The following TEC variants were observed in gnomAD, a reference collection of about 807,000 sequenced individuals.
TEC encodes tyrosine-protein kinase Tec.
A neutral mutation model predicts 93.0 loss-of-function variants in TEC; 72 were observed. The observed-to-expected ratio is 0.77, with a 90% CI of 0.64 to 0.94. The LOEUF (loss-of-function observed/expected upper bound fraction) is 0.94, where lower values mean the gene tolerates loss of function less well. TEC is among the 40% of genes least tolerant of loss of function. The pLI is 0.00. For missense variants in TEC, 630 were observed against 757.9 expected (o/e 0.83, Z 1.98); for synonymous variants, 249 against 247.7 (o/e 1.01, Z -0.05).
intron 4 of TEC, 113 bp downstream of exon 4, chr4:48,171,255 G>A: frequency 2.5e-6 from 2 of 795,938 alleles, no homozygotes; most frequent in East Asian, 2.8e-5. Flanking sequence ...AACACTTACT[G>A]TAGATTAAGA....
intron 11 of TEC, among the ~76,000 whole-genome samples, chr4:48,147,803 C>T (rs925632473): frequency 3.3e-5 from 5 of 152,256 alleles, no homozygotes; most frequent in South Asian, 4.1e-4. Context: ...TGGGTTGTAA[C>T]TCAATAATAG....
At chr4:48,171,232 A>G (rs548221343) in intron 4 of TEC, 136 bp downstream of exon 4, 30 of 695,422 alleles carry the variant, frequency 4.3e-5, no homozygotes, top group Middle Eastern at 4.2e-4. Flanking sequence ...CAACAACAGC[A>G]TATCCTTGGA....
At chr4:48,197,359 T>A (rs1293980572) in intron 2 of TEC, among the ~76,000 whole-genome samples, 1 of 152,206 alleles carries the variant, frequency 6.6e-6, no homozygotes, top group Non-Finnish European at 1.5e-5. Context: ...ATAGTAACTG[T>A]ATCTGCCTCA....
chr4:48,250,307 C>G (rs760812570), intron 1 of TEC, among the ~76,000 whole-genome samples: 1 of 152,142 alleles, frequency 6.6e-6, no homozygotes, highest in African/African-American at 2.4e-5. Context: ...TTGGACTGTA[C>G]CCCTAAATAT....
At chr4:48,211,636 G>A (rs893367325) in intron 2 of TEC, among the ~76,000 whole-genome samples, 8 of 152,156 alleles carry the variant, frequency 5.3e-5, no homozygotes, top group African/African-American at 1.9e-4. Context: ...CAGTTTCTCT[G>A]CTGTTGAGAT....
At chr4:48,183,204 C>G (rs1014243926) in intron 2 of TEC, among the ~76,000 whole-genome samples, 1 of 152,218 alleles carries the variant, frequency 6.6e-6, no homozygotes, top group African/African-American at 2.4e-5. Flanking sequence ...AGTTTTCTCT[C>G]TGTGCTTCAG....
chr4:48,268,718 A>C (rs559690455), intron 1 of TEC, among the ~76,000 whole-genome samples: 1 of 152,336 alleles, frequency 6.6e-6, no homozygotes, highest in African/African-American at 2.4e-5. Flanking sequence ...AAATTCTCAG[A>C]ATTTCCCAAG....
intron 2 of TEC, among the ~76,000 whole-genome samples, chr4:48,213,074 A>G (rs1722964171): frequency 6.6e-6 from 1 of 152,252 alleles, no homozygotes; most frequent in Non-Finnish European, 1.5e-5. Context: ...CTTATGAGTA[A>G]GGAATTACAC....
intron 1 of TEC, among the ~76,000 whole-genome samples, chr4:48,243,092 T>C (rs1723963257): frequency 6.6e-6 from 1 of 152,194 alleles, no homozygotes; most frequent in South Asian, 2.1e-4. Flanking sequence ...TACCTTTTGA[T>C]ATATTAAAAG....
intron 2 of TEC, among the ~76,000 whole-genome samples, chr4:48,204,485 T>C (rs2109601209): frequency 6.6e-6 from 1 of 152,340 alleles, no homozygotes; most frequent in East Asian, 1.9e-4. Context: ...GCCTTTTCCT[T>C]TCGCTGATTT....
At chr4:48,267,823 A>C (rs1724679246) in intron 1 of TEC, among the ~76,000 whole-genome samples, 1 of 152,170 alleles carries the variant, frequency 6.6e-6, no homozygotes, top group African/African-American at 2.4e-5. Flanking sequence ...TAGGGGTAAG[A>C]ATCTGGGAGG....
intron 3 of TEC, among the ~76,000 whole-genome samples, chr4:48,174,222 A>G (rs967832606): frequency 6.6e-6 from 1 of 152,184 alleles, no homozygotes; most frequent in Non-Finnish European, 1.5e-5. Flanking sequence ...TTCTACTTGT[A>G]TTATCATTCT....
At chr4:48,201,516 G>C (rs1722508343) in intron 2 of TEC, among the ~76,000 whole-genome samples, 1 of 152,168 alleles carries the variant, frequency 6.6e-6, no homozygotes, top group Non-Finnish European at 1.5e-5. Context: ...CCTGGAAGGA[G>C]ACAAGCAGTG....
chr4:48,160,813 A>AAG, intron 8 of TEC, among the ~76,000 whole-genome samples: 1 of 107,284 alleles, frequency 9.3e-6, no homozygotes, highest in African/African-American at 3.3e-5. Context: ...GAGAAAGAGA[A>AAG]AGAGAGAGAG....
chr4:48,165,783 A>G (rs1478065197), intron 7 of TEC, among the ~76,000 whole-genome samples: 1 of 152,256 alleles, frequency 6.6e-6, no homozygotes, highest in Non-Finnish European at 1.5e-5. Flanking sequence ...AGAGAAACAT[A>G]AGAGATATAT....
chr4:48,260,845 A>T (rs1724481981), intron 1 of TEC, among the ~76,000 whole-genome samples: 1 of 152,244 alleles, frequency 6.6e-6, no homozygotes, highest in South Asian at 2.1e-4. Flanking sequence ...ATTAAAAGTC[A>T]GCTGGTAATA....
intron 3 of TEC, among the ~76,000 whole-genome samples, chr4:48,172,231 T>G (rs1280451963): frequency 6.6e-6 from 1 of 150,774 alleles, no homozygotes; most frequent in Non-Finnish European, 1.5e-5. Flanking sequence ...AGCCAGAAAT[T>G]TTTTCATTTT....
intron 2 of TEC, among the ~76,000 whole-genome samples, chr4:48,202,162 T>G (rs1722545259): frequency 1.3e-5 from 2 of 152,022 alleles, no homozygotes; most frequent in Non-Finnish European, 2.9e-5. Context: ...GGAACTTCTT[T>G]CAAACAATTA....
At position 48,167,929 on chromosome 4, in the gene TEC, G is replaced by T. The variant is rs1265850213; in HGVS notation, c.520C>A (p.Leu174Ile). The T allele has an allele frequency of 6.2e-7, 1 of 1,613,732 alleles. No individual in the cohort carries two copies. The highest frequency in any genetic ancestry group is 1.7e-5 in the Admixed American group (1 of 59,988). Residue 174 changes from leucine to isoleucine, a missense_variant, in exon 7 of 18, where the codon CTA becomes ATA. Leu to Ile is a conservative substitution (Grantham distance 5, BLOSUM62 2). Around this residue, in one of 3 missense-constraint regions of TEC, gnomAD observed 335 missense variants for 351.5 expected, o/e 0.95. Coordinates refer to ENST00000381501, the MANE Select transcript of TEC (RefSeq NM_003215.3). ...KKRRPPPPIP[L>I]EEEDNSEEIV... is the part of the protein sequence containing the mutation. ...TCTTCACTATTATCTTCTTCTTCTA[G>T]TGGAATTGGTGGGGGAGGCCTTCGC... is the stretch of plus-strand genomic sequence containing the variant.
Sources: gnomAD v4.1 joint callset for allele counts (sites outside exome capture counted in the v4.1 genomes callset) on GRCh38, gnomAD v4.1.1 for gene constraint, gnomAD v4.1.1 regional missense constraint, MANE v1.5 for transcripts, NCBI Gene and HGNC (gene_info 2026-07-23, HGNC 2026-07-21) for gene names.